Variants in ME1 observed in about 807,000 individuals in gnomAD.
The protein encoded by ME1 is malic enzyme 1.
Under a neutral mutation model 66.4 loss-of-function variants are expected in ME1, and 74 were observed. That is an observed-to-expected ratio of 1.11 (90% CI 0.92 to 1.35). The LOEUF is 1.35. ME1 is among the 40% of genes most tolerant of loss of function. ME1 has a pLI of 0.00. For missense variants in ME1, 750 were observed against 694.1 expected (o/e 1.08, Z -0.90); for synonymous variants, 251 against 235.6 (o/e 1.07, Z -0.60).
chr6:83,332,525 G>A (rs1351008704), intron 5 of ME1, among the ~76,000 whole-genome samples: 2 of 152,158 alleles, frequency 1.3e-5, no homozygotes, highest in African/African-American at 4.8e-5. Context: ...ATCAACCAAT[G>A]AGTGGATAAA....
intron 2 of ME1, among the ~76,000 whole-genome samples, chr6:83,403,324 A>C (rs1450072795): frequency 1.3e-5 from 2 of 152,166 alleles, no homozygotes; most frequent in Non-Finnish European, 2.9e-5. Flanking sequence ...TAGCTTATGA[A>C]CAACAGAAAT....
intron 9 of ME1, among the ~76,000 whole-genome samples, chr6:83,235,694 G>A (rs941643646): frequency 4.6e-5 from 7 of 151,786 alleles, no homozygotes; most frequent in Admixed American, 1.3e-4. Context: ...GGATGGTCTC[G>A]ATCTCCTGAC....
intron 5 of ME1, among the ~76,000 whole-genome samples, chr6:83,331,482 G>T (rs1025987099): frequency 2.0e-5 from 3 of 151,662 alleles, no homozygotes; most frequent in African/African-American, 7.3e-5. Flanking sequence ...AGCTACTCAG[G>T]AGGCTGAGGC....
At chr6:83,290,062 T>A (rs1428815889) in intron 6 of ME1, among the ~76,000 whole-genome samples, 2 of 152,184 alleles carry the variant, frequency 1.3e-5, no homozygotes, top group African/African-American at 2.4e-5. Context: ...ATTTTGTTGA[T>A]CTTTTCAAAA....
At chr6:83,360,585 G>T (rs1309240793) in intron 3 of ME1, among the ~76,000 whole-genome samples, 2 of 152,146 alleles carry the variant, frequency 1.3e-5, no homozygotes, top group East Asian at 3.9e-4. Context: ...GGCTATTATG[G>T]TAGGAAAGCC....
intron 3 of ME1, chr6:83,392,912 C>G (rs1294062999): frequency 8.7e-6 from 7 of 805,644 alleles, no homozygotes; most frequent in Non-Finnish European, 1.5e-5. Context: ...TCATCCATGA[C>G]AACTTTGGTA....
chr6:83,406,990 A>C (rs1392841265), intron 2 of ME1, among the ~76,000 whole-genome samples: 1 of 151,744 alleles, frequency 6.6e-6, no homozygotes, highest in African/African-American at 2.4e-5. Flanking sequence ...ACACACACAC[A>C]CACACACACA....
intron 9 of ME1, among the ~76,000 whole-genome samples, chr6:83,236,623 C>A (rs1232216818): frequency 1.3e-5 from 2 of 152,044 alleles, no homozygotes; most frequent in East Asian, 3.8e-4. Flanking sequence ...TTATTTAGTT[C>A]TCAAAATAAT....
chr6:83,401,924 G>A (rs1021057219), intron 2 of ME1, among the ~76,000 whole-genome samples: 10 of 152,142 alleles, frequency 6.6e-5, no homozygotes, highest in Non-Finnish European at 1.0e-4. Flanking sequence ...TTCTGGCATA[G>A]ACCCTTAGTT....
chr6:83,283,248 A>AAAAAAAAAAAAAAAAAAAT (rs70987744), intron 6 of ME1, among the ~76,000 whole-genome samples: 1 of 139,610 alleles, frequency 7.2e-6, no homozygotes, highest in Non-Finnish European at 1.5e-5. Context: ...AAAAAAAAAA[A>AAAAAAAAAAAAAAAAAAAT]TGATGAGTTC....
chr6:83,292,498 A>T (rs1355736339), intron 6 of ME1, among the ~76,000 whole-genome samples: 1 of 152,156 alleles, frequency 6.6e-6, no homozygotes, highest in Non-Finnish European at 1.5e-5. Flanking sequence ...TGGAAGCTTC[A>T]TCCCAGAGAG....
chr6:83,376,027 T>C (rs1769281252), intron 3 of ME1, among the ~76,000 whole-genome samples: 1 of 152,210 alleles, frequency 6.6e-6, no homozygotes, highest in South Asian at 2.1e-4. Context: ...TTGTAGTTTC[T>C]GCTATATATT....
At chr6:83,299,964 G>T (rs959295162) in intron 6 of ME1, among the ~76,000 whole-genome samples, 1 of 152,196 alleles carries the variant, frequency 6.6e-6, no homozygotes, top group East Asian at 1.9e-4. Flanking sequence ...CTTGAATGCG[G>T]TGGATAAGCT....
chr6:83,304,912 C>T (rs890960492), intron 6 of ME1, among the ~76,000 whole-genome samples: 13 of 152,136 alleles, frequency 8.5e-5, no homozygotes, highest in Non-Finnish European at 1.9e-4. Context: ...CATTAAATGT[C>T]GTTAGATTAC....
chr6:83,358,219 T>C (rs891856598), intron 3 of ME1, among the ~76,000 whole-genome samples: 26 of 151,880 alleles, frequency 1.7e-4, no homozygotes, highest in Non-Finnish European at 2.8e-4. Context: ...TGGCGTGAAC[T>C]GTTTACAGAG....
At chr6:83,221,626 G>A (rs186611700) in intron 12 of ME1, among the ~76,000 whole-genome samples, 1 of 152,124 alleles carries the variant, frequency 6.6e-6, no homozygotes, top group Non-Finnish European at 1.5e-5. Flanking sequence ...GGGCATGTCT[G>A]TGGAATTACC....
chr6:83,425,905 T>C (rs1054440630), intron 1 of ME1, among the ~76,000 whole-genome samples: 22 of 118,950 alleles, frequency 1.8e-4, no homozygotes, highest in African/African-American at 8.1e-4. Context: ...TCCCCAAAAG[T>C]CCATGTGTTG....
chr6:83,298,292 T>C (rs1018229477), intron 6 of ME1, among the ~76,000 whole-genome samples: 17 of 152,220 alleles, frequency 1.1e-4, no homozygotes, highest in African/African-American at 3.6e-4. Context: ...GTGGTTTTGA[T>C]TTGCGTTTCT....
In ME1 at chr6:83,424,011, G is replaced by A. The variant is rs374053295; in HGVS notation, c.78+6866C>T. On this transcript the variant is annotated intron_variant, in intron 1 of 13. Coordinates refer to ENST00000369705, the MANE Select transcript of ME1 (RefSeq NM_002395.6). ...TGAAGTTCCAGCTACTCAAGAGGAC[G>A]GACTGAGTCTGGGAGGTCAAGGCTG... is the stretch of plus-strand genomic sequence containing the variant. Among the ~76,000 whole-genome samples, 44 of 149,674 alleles carry A rather than the reference G, an allele frequency of 2.9e-4. No individual in the cohort carries two copies. The East Asian group carries it at 3.6e-3, about 12-fold the overall frequency.
Sources: allele counts gnomAD v4.1 joint callset (sites outside exome capture counted in the v4.1 genomes callset), GRCh38; gene constraint gnomAD v4.1.1; transcripts MANE v1.5; gene names NCBI Gene and HGNC (gene_info 2026-07-23, HGNC 2026-07-21).